Variants in PCDHA10 observed in about 807,000 individuals in gnomAD.
The protein encoded by PCDHA10 is protocadherin alpha 10.
In PCDHA10, 45 loss-of-function variants were observed where a neutral mutation model predicts 61.2. The ratio of observed to expected loss-of-function variants is 0.74; its 90% CI spans 0.58 to 0.94. PCDHA10 has a LOEUF of 0.94. PCDHA10 is among the 40% of genes least tolerant of loss of function. The pLI is 0.00. For synonymous variants in PCDHA10, 602 were observed against 548.8 expected, an observed-to-expected ratio of 1.10 and a Z score of -1.35; for missense variants, 1,278 against 1,236.2, an observed-to-expected ratio of 1.03 and a Z score of -0.51.
Position 140,883,565 on chromosome 5 carries a change from C to T in PCDHA10, c.2388+25129C>T, listed in dbSNP as rs139159217. On this transcript the variant is annotated intron_variant, in intron 1 of 3. Transcript: ENST00000307360. ...GGTGACCGCGCGGGACGGGGGCTCG[C>T]CTTCGCTGTGGGCCACGGCCAGCGT... is the stretch of plus-strand genomic sequence containing the variant. 6.5e-5 allele frequency: 105 copies of T among 1,614,180 alleles called. 1 individual carries two copies. In the African/African-American group the frequency reaches 1.3e-3, roughly 20 times the overall value.
chr5:140,959,293 C>G (rs1554223990), intron 1 of PCDHA10, among the ~76,000 whole-genome samples: 1 of 152,088 alleles, frequency 6.6e-6, no homozygotes, highest in African/African-American at 2.4e-5. Context: ...GGGAGCATCA[C>G]TGAGCCCGGT....
intron 3 of PCDHA10, among the ~76,000 whole-genome samples, chr5:140,993,418 C>A (rs59434300): frequency 6.6e-5 from 10 of 151,302 alleles, no homozygotes; most frequent in Non-Finnish European, 1.5e-4. Context: ...ATCAGCATTT[C>A]TCTTTTAAAA....
intron 1 of PCDHA10, chr5:140,869,699 C>T (rs10071369): frequency 6.2e-7 from 1 of 1,613,378 alleles, no homozygotes; most frequent in East Asian, 2.2e-5. Context: ...TTAAAGAAGT[C>T]TCTGGATAGA....
intron 1 of PCDHA10, chr5:140,967,360 G>T: frequency 6.2e-7 from 1 of 1,607,656 alleles, no homozygotes. Flanking sequence ...TGGACCTTAA[G>T]CCCCTGCAGG....
chr5:140,898,338 C>G (rs2066670384), intron 1 of PCDHA10, among the ~76,000 whole-genome samples: 2 of 152,188 alleles, frequency 1.3e-5, no homozygotes, highest in African/African-American at 2.4e-5. Flanking sequence ...ACGTTTAAGT[C>G]TTTAATCCAT....
At position 141,011,322 on chromosome 5, in the gene PCDHA10, C is replaced by T. The variant is rs1210973958; in HGVS notation, c.*1385C>T. The T allele has an allele frequency of 2.0e-5, 3 of 153,698 alleles. No individual in the cohort carries two copies. The highest frequency in any genetic ancestry group is 7.2e-5 in the African/African-American group (3 of 41,430). The allele number at this position is 153,698 out of a possible 1,614,324, so 9.5% of individuals were successfully genotyped here. On this transcript the variant is annotated 3_prime_UTR_variant, in exon 4 of 4. Coordinates refer to ENST00000307360, the MANE Select transcript of PCDHA10 (RefSeq NM_018901.4). Reference sequence around the variant, plus strand: ...CTCTGAATTGCTAATCTTACTAACACCTATGATGTTACCTGAAATCAATCT... The same window carrying T: ...CTCTGAATTGCTAATCTTACTAACATCTATGATGTTACCTGAAATCAATCT...
At chr5:140,876,970 G>A in intron 1 of PCDHA10, 4 of 1,612,850 alleles carry the variant, frequency 2.5e-6, no homozygotes, top group Non-Finnish European at 3.4e-6. Flanking sequence ...GCGGCGGGTG[G>A]GCGAGCACGC....
chr5:140,917,483 G>C (rs1237773555), intron 1 of PCDHA10, among the ~76,000 whole-genome samples: 1 of 152,152 alleles, frequency 6.6e-6, no homozygotes, highest in Non-Finnish European at 1.5e-5. Flanking sequence ...CTTTGCCAGG[G>C]CCTATGCCCA....
intron 1 of PCDHA10, among the ~76,000 whole-genome samples, chr5:140,970,314 A>G (rs141905108): frequency 0.01 from 1,597 of 152,320 alleles, 13 homozygotes; most frequent in Middle Eastern, 0.014. Flanking sequence ...AAGTTAAATG[A>G]CAGTACTTCC....
chr5:140,867,133 A>T (rs1554160961), intron 1 of PCDHA10: 1 of 152,166 alleles, frequency 6.6e-6, no homozygotes, highest in African/African-American at 2.4e-5. Flanking sequence ...CAAATATGTG[A>T]TATTATCATT....
chr5:140,906,798 C>T (rs1456677849), intron 1 of PCDHA10, among the ~76,000 whole-genome samples: 1 of 152,192 alleles, frequency 6.6e-6, no homozygotes, highest in Non-Finnish European at 1.5e-5. Context: ...TCCATGCATA[C>T]TCTTCCTTAC....
At chr5:140,898,894 G>A (rs1200031286) in intron 1 of PCDHA10, among the ~76,000 whole-genome samples, 5 of 152,102 alleles carry the variant, frequency 3.3e-5, no homozygotes, top group African/African-American at 9.7e-5. Context: ...TCTCCTTGAA[G>A]AGGTCCTTCA....
chr5:140,897,037 AC>A (rs1300892291), intron 1 of PCDHA10, among the ~76,000 whole-genome samples: 1 of 152,074 alleles, frequency 6.6e-6, no homozygotes, highest in Non-Finnish European at 1.5e-5. Flanking sequence ...GACCATAGTC[AC>A]CCTATTCTGC....
chr5:141,001,370 T>G (rs1187805238), intron 3 of PCDHA10, among the ~76,000 whole-genome samples: 1 of 152,218 alleles, frequency 6.6e-6, no homozygotes, highest in African/African-American at 2.4e-5. Context: ...ACTATTCTGA[T>G]TACAGAGCCT....
In PCDHA10 at chr5:140,967,001, A is replaced by T. The variant is rs1048933252; in HGVS notation, c.2389-11948A>T. The T allele has an allele frequency of 3.1e-6, 5 of 1,605,060 alleles. No homozygotes were observed. The South Asian group carries it at 5.5e-5, about 18-fold the overall frequency. The stretch of plus-strand genomic sequence containing the variant: ...GCGCTTGGGGCCGGGTTGCTTGCGC[A>T]TCAACCATCTGGGTGCGCCCAGTCC... On this transcript the variant is annotated intron_variant, in intron 1 of 3. Transcript: ENST00000307360.
In PCDHA10 at chr5:141,010,428, A is replaced by G. The variant is rs2098417264; in HGVS notation, c.*491A>G. The G allele has an allele frequency of 9.2e-7, 1 of 1,087,372 alleles. No individual in the cohort carries two copies. Among genetic ancestry groups the G allele is most frequent in the East Asian group, 2.6e-5 (1 of 38,240 alleles). 67.4% of individuals were successfully genotyped at this position (1,087,372 alleles called of 1,614,324 possible). ...GACTAATTGGTACAAGGAAGGCAAG[A>G]AAACAAAGACAAATAAACAGCGGAA... On this transcript the variant is annotated 3_prime_UTR_variant, in exon 4 of 4. Transcript: ENST00000307360.
At chr5:140,912,174 A>G (rs2075803513) in intron 1 of PCDHA10, among the ~76,000 whole-genome samples, 1 of 152,166 alleles carries the variant, frequency 6.6e-6, no homozygotes, top group Non-Finnish European at 1.5e-5. Flanking sequence ...CTGTGCTGGC[A>G]GCTGATTAGA....
intron 3 of PCDHA10, among the ~76,000 whole-genome samples, chr5:140,992,876 A>G (rs1370116402): frequency 6.6e-6 from 1 of 152,178 alleles, no homozygotes; most frequent in Admixed American, 6.5e-5. Flanking sequence ...CCTCCTTGAT[A>G]TTCTAAACAA....
intron 1 of PCDHA10, among the ~76,000 whole-genome samples, chr5:140,947,982 T>C (rs1178353293): frequency 1.3e-5 from 2 of 148,572 alleles, no homozygotes; most frequent in Admixed American, 1.3e-4. Flanking sequence ...CTCATAGGTT[T>C]TTCCCAAATA....
Sources: gnomAD v4.1 joint callset for allele counts (sites outside exome capture counted in the v4.1 genomes callset) on GRCh38, gnomAD v4.1.1 for gene constraint, MANE v1.5 for transcripts, NCBI Gene and HGNC (gene_info 2026-07-23, HGNC 2026-07-21) for gene names.